FGGY: variants seen among roughly 807,000 people sequenced by gnomAD.
FGGY encodes FGGY carbohydrate kinase domain-containing protein.
A neutral mutation model predicts 71.3 loss-of-function variants in FGGY; 72 were observed. The observed-to-expected ratio is 1.01, with a 90% CI of 0.84 to 1.23. FGGY has a LOEUF of 1.23. Among genes scored for constraint, FGGY ranks in the 50% most tolerant of loss-of-function variants. The probability of loss-of-function intolerance (pLI) is 0.00; values close to 1 mark genes in which losing one functional copy is unlikely to be tolerated. For synonymous variants in FGGY, 251 were observed against 250.3 expected, an observed-to-expected ratio of 1.00 and a Z score of -0.02; for missense variants, 668 against 682.3, an observed-to-expected ratio of 0.98 and a Z score of 0.23.
intron 10 of FGGY, among the ~76,000 whole-genome samples, chr1:59,636,210 TCA>T (rs373292906): frequency 3.3e-5 from 5 of 151,290 alleles, no homozygotes; most frequent in South Asian, 2.1e-4. Flanking sequence ...TCACACGCAC[TCA>T]CACACACACA....
chr1:59,395,873 TCTGATTAGTA>T (rs2061265517), intron 5 of FGGY, among the ~76,000 whole-genome samples: 1 of 152,180 alleles, frequency 6.6e-6, no homozygotes, highest in African/African-American at 2.4e-5. Flanking sequence ...GTTCCTTGCC[TCTGATTAGTA>T]CTAATTAGCT....
In FGGY at chr1:59,674,074, G is replaced by A. The variant is rs1448657028; in HGVS notation, c.1453G>A (p.Val485Ile). 5.6e-6 allele frequency: 9 copies of A among 1,613,884 alleles called. No homozygotes were observed. Among genetic ancestry groups the A allele is most frequent in the Non-Finnish European group, 6.8e-6 (8 of 1,179,932 alleles). ...PVVLSQEVES[V>I]LVGAAVLGAC... ...GGTCCTGTCGCAAGAGGTGGAGTCC[G>A]TTCTTGTGGGTGCTGCTGTTCTGGG... The change falls in exon 14 of 16, where the codon GTT (valine) becomes ATT (isoleucine). Residue 485 changes from valine (V) to isoleucine (I), a missense_variant. Physicochemically the swap from Val to Ile is conservative, Grantham distance 29. Transcript: ENST00000303721.
At chr1:59,735,836 T>C (rs1277892255) in intron 14 of FGGY, among the ~76,000 whole-genome samples, 1 of 152,212 alleles carries the variant, frequency 6.6e-6, no homozygotes, top group Non-Finnish European at 1.5e-5. Context: ...ATGCAGGAGA[T>C]GGAACTCCTT....
rs200917018 is a variant in FGGY at position 59,490,256 on chromosome 1, C to T, written c.671-22055C>T. Among the ~76,000 whole-genome samples the T allele has an allele frequency of 2.6e-5, 4 of 152,250 alleles. No individual in the cohort carries two copies. The East Asian group carries it at 7.7e-4, about 29-fold the overall frequency. ...TTTTGGACAGGGTCTTGCTATATTG[C>T]CCAGGCAGGTCTTAAACTCCTGGCC... On this transcript the variant is annotated intron_variant, in intron 6 of 15. Transcript: ENST00000303721.
intron 7 of FGGY, among the ~76,000 whole-genome samples, chr1:59,547,375 G>A (rs1254049541): frequency 6.6e-6 from 1 of 152,086 alleles, no homozygotes; most frequent in Non-Finnish European, 1.5e-5. Flanking sequence ...TATTGTCTAG[G>A]AATAGTTGGA....
intron 7 of FGGY, among the ~76,000 whole-genome samples, chr1:59,548,596 A>G (rs923408080): frequency 3.3e-5 from 5 of 152,238 alleles, no homozygotes; most frequent in African/African-American, 1.2e-4. Flanking sequence ...AAGTAATAAA[A>G]ACAGCAAAGG....
At chr1:59,335,393 T>C (rs1424755227) in intron 2 of FGGY, among the ~76,000 whole-genome samples, 5 of 152,240 alleles carry the variant, frequency 3.3e-5, no homozygotes, top group Non-Finnish European at 7.3e-5. Context: ...TAGTTCCTTT[T>C]TCTTGCTGAG....
chr1:59,733,752 A>G (rs565756696), intron 14 of FGGY, among the ~76,000 whole-genome samples: 2 of 152,192 alleles, frequency 1.3e-5, no homozygotes, highest in Non-Finnish European at 2.9e-5. Context: ...TAAAAACAGG[A>G]GCTCTGTGCA....
chr1:59,363,895 G>T (rs2056087026), intron 4 of FGGY, among the ~76,000 whole-genome samples: 1 of 152,216 alleles, frequency 6.6e-6, no homozygotes, highest in South Asian at 2.1e-4. Context: ...AGTTGTGAAG[G>T]AACTTTTGAG....
intron 14 of FGGY, among the ~76,000 whole-genome samples, chr1:59,687,937 C>T (rs1216878617): frequency 6.6e-6 from 1 of 152,188 alleles, no homozygotes; most frequent in African/African-American, 2.4e-5. Flanking sequence ...CACTTCTCCT[C>T]CTCTCCCTGT....
chr1:59,436,426 C>T (rs1243105053), intron 5 of FGGY, among the ~76,000 whole-genome samples: 2 of 152,100 alleles, frequency 1.3e-5, no homozygotes, highest in Non-Finnish European at 2.9e-5. Context: ...ATGGTTGTAA[C>T]TCTATAGTTA....
chr1:59,506,821 T>A (rs780061106), intron 6 of FGGY, among the ~76,000 whole-genome samples: 11 of 150,566 alleles, frequency 7.3e-5, no homozygotes, highest in African/African-American at 2.4e-5. Context: ...ACACAAGAAA[T>A]GTAGACCAAT....
At chr1:59,431,961 T>A (rs1032179274) in intron 5 of FGGY, among the ~76,000 whole-genome samples, 3 of 151,926 alleles carry the variant, frequency 2.0e-5, no homozygotes, top group Non-Finnish European at 2.9e-5. Flanking sequence ...AGAATGGGAG[T>A]TGGTCAGAAT....
intron 5 of FGGY, among the ~76,000 whole-genome samples, chr1:59,446,940 C>T (rs1035585329): frequency 6.6e-6 from 1 of 152,018 alleles, no homozygotes; most frequent in Non-Finnish European, 1.5e-5. Context: ...TGATCAGGCC[C>T]CTGGAACTCA....
chr1:59,306,256 G>T (rs1179612105), intron 1 of FGGY, among the ~76,000 whole-genome samples: 2 of 152,288 alleles, frequency 1.3e-5, no homozygotes, highest in Non-Finnish European at 2.9e-5. Context: ...CTAAAGATGT[G>T]AGGAGGGGAT....
chr1:59,406,388 G>T (rs931887329), intron 5 of FGGY, among the ~76,000 whole-genome samples: 4 of 151,912 alleles, frequency 2.6e-5, no homozygotes, highest in African/African-American at 4.8e-5. Flanking sequence ...CTTTTTGTTG[G>T]CGATTTCACC....
chr1:59,674,899 G>C (rs942565833), intron 14 of FGGY, among the ~76,000 whole-genome samples: 1 of 152,112 alleles, frequency 6.6e-6, no homozygotes, highest in African/African-American at 2.4e-5. Context: ...GACCACCTGG[G>C]CTCAAATCCT....
chr1:59,440,669 G>T (rs774743698), intron 5 of FGGY, among the ~76,000 whole-genome samples: 1 of 147,194 alleles, frequency 6.8e-6, no homozygotes, highest in Non-Finnish European at 1.5e-5. Context: ...CTAGTGTGCA[G>T]TGTAGTATGG....
chr1:59,521,975 G>A (rs181656475), intron 7 of FGGY, among the ~76,000 whole-genome samples: 13 of 152,316 alleles, frequency 8.5e-5, no homozygotes, highest in Admixed American at 4.6e-4. Context: ...TCCAGAGCTG[G>A]AAATAATAAA....
Sources: allele counts gnomAD v4.1 joint callset (sites outside exome capture counted in the v4.1 genomes callset), GRCh38; gene constraint gnomAD v4.1.1; transcripts MANE v1.5; gene names NCBI Gene and HGNC (gene_info 2026-07-23, HGNC 2026-07-21).